The following SUN1 variants were observed in gnomAD, a reference collection of about 807,000 sequenced individuals.
The protein encoded by SUN1 is SUN domain-containing protein 1.
Under a neutral mutation model 103.2 loss-of-function variants are expected in SUN1, and 61 were observed. The ratio of observed to expected loss-of-function variants is 0.59; its 90% CI spans 0.48 to 0.73. SUN1 has a LOEUF of 0.73. Ranked by LOEUF, SUN1 falls within the 30% of genes least tolerant of loss-of-function variation. The pLI is 0.00. For missense variants in SUN1, 1,052 were observed against 1,034.6 expected, an observed-to-expected ratio of 1.02 and a Z score of -0.23; for synonymous variants, 490 against 425.7, an observed-to-expected ratio of 1.15 and a Z score of -1.86.
At chr7:816,856 A>T (rs1266530185) in intron 1 of SUN1, 3 of 150,096 alleles carry the variant, frequency 2.0e-5, no homozygotes, top group Admixed American at 6.6e-5. Flanking sequence ...CCCCGCAGCT[A>T]CCCCGGCCCG....
At position 845,608 on chromosome 7, in the gene SUN1, C is replaced by T. The variant is rs974655878; in HGVS notation, c.658+2088C>T. ...ATAGTCAGATTGCATGAATTGTTTG[C>T]ATAATCATATTTACTTAAAATAAGT... On this transcript the variant is annotated intron_variant, in intron 5 of 18. Coordinates refer to ENST00000401592, the MANE Select transcript of SUN1 (RefSeq NM_001130965.3). Among the ~76,000 whole-genome samples the T allele has an allele frequency of 2.0e-5, 3 of 151,588 alleles. No homozygotes were observed. In the East Asian group the frequency reaches 5.8e-4, roughly 29 times the overall value.
At chr7:857,760 G>C (rs1039453623) in intron 12 of SUN1, 68 bp from the exon 13 acceptor site, 3 of 1,456,186 alleles carry the variant, frequency 2.1e-6, no homozygotes, top group Admixed American at 4.7e-5. Flanking sequence ...CCCTCAGCCT[G>C]TGTGTAGTGT....
At chr7:856,602 C>T (rs1827596127) in intron 12 of SUN1, among the ~76,000 whole-genome samples, 1 of 152,196 alleles carries the variant, frequency 6.6e-6, no homozygotes, top group Admixed American at 6.5e-5. Flanking sequence ...ACATCCCCCT[C>T]CACGCGGCGT....
chr7:863,520 TCA>T (rs2128480436), intron 15 of SUN1, among the ~76,000 whole-genome samples: 1 of 152,332 alleles, frequency 6.6e-6, no homozygotes, highest in South Asian at 2.1e-4. Flanking sequence ...GAGATGTAAT[TCA>T]CACAAAAATT....
At chr7:865,848 G>A (rs759777696) in intron 15 of SUN1, 104 bp from the exon 16 acceptor site, 1 of 897,992 alleles carries the variant, frequency 1.1e-6, no homozygotes, top group Non-Finnish European at 1.8e-6. Flanking sequence ...GTGATGTCGA[G>A]CACTTTTCTT....
chr7:866,480 G>A (rs1234019573), intron 16 of SUN1, among the ~76,000 whole-genome samples: 1 of 151,922 alleles, frequency 6.6e-6, no homozygotes, highest in East Asian at 1.9e-4. Context: ...CTCGGCATGG[G>A]CCTTCACCCC....
rs187616835 is a variant in SUN1 at position 865,005 on chromosome 7, C to A, written c.1865-947C>A. ...CAACTCCCCTTCCCAGTCTCTGGTACCACCCTTCTACCCTCTCTGTCCATG... is the reference window on the plus strand; with the variant it reads ...CAACTCCCCTTCCCAGTCTCTGGTAACACCCTTCTACCCTCTCTGTCCATG... On this transcript the variant is annotated intron_variant, in intron 15 of 18. Transcript: ENST00000401592. Among the ~76,000 whole-genome samples the A allele has an allele frequency of 2.8e-3, 425 of 152,248 alleles. 3 individuals carry two copies. Among genetic ancestry groups the A allele is most frequent in the African/African-American group, 9.1e-3 (380 of 41,534 alleles).
intron 1 of SUN1, among the ~76,000 whole-genome samples, chr7:836,063 G>A (rs918754706): frequency 1.3e-5 from 2 of 152,260 alleles, no homozygotes; most frequent in African/African-American, 2.4e-5. Context: ...GGCAAGGAGC[G>A]AGCCGAAACT....
In SUN1 at chr7:874,600, C is replaced by A. The variant is rs1393088597; in HGVS notation, c.*1269C>A. On this transcript the variant is annotated 3_prime_UTR_variant, in exon 19 of 19. Transcript: ENST00000401592. ...ATGAAACTATTCATACATCAAGCAG[C>A]ATTTTTTTCACTCTCCTTAGAATTG... is the stretch of plus-strand genomic sequence containing the variant. 2 of 152,366 alleles carry A rather than the reference C, an allele frequency of 1.3e-5. No homozygotes were observed. The highest frequency in any genetic ancestry group is 2.9e-5 in the Non-Finnish European group (2 of 68,030). 9.4% of individuals were successfully genotyped at this position (152,366 alleles called of 1,614,324 possible).
rs373925818 is a variant in SUN1 at position 832,547 on chromosome 7, T to A, written c.23T>A (p.Met8Lys). The change falls in exon 1 of 19, where the codon ATG becomes AAG. Residue 8 changes from methionine (M) to lysine (K), a missense_variant. Physicochemically the swap from Met to Lys is moderately conservative, Grantham distance 95 (BLOSUM62 -1). This residue lies in a region of SUN1 where 846 missense variants were observed against 774.5 expected (regional missense o/e 1.09). Transcript: ENST00000401592. ...AACATGGATTTTTCTCGGCTTCACATGTACAGTCCTCCCCAGTGTGTGCCG... is the reference window on the plus strand; with the variant it reads ...AACATGGATTTTTCTCGGCTTCACAAGTACAGTCCTCCCCAGTGTGTGCCG... MDFSRLH[M>K]YSPPQCVPEN... 3 of 1,613,438 alleles carry A rather than the reference T, an allele frequency of 1.9e-6. No homozygotes were observed. Among genetic ancestry groups the A allele is most frequent in the Non-Finnish European group, 2.5e-6 (3 of 1,179,712 alleles).
chr7:836,478 A>C (rs555909656), intron 1 of SUN1, among the ~76,000 whole-genome samples: 196 of 152,330 alleles, frequency 1.3e-3, no homozygotes, highest in African/African-American at 4.5e-3. Context: ...TTCCAGGCCA[A>C]GTCCAGAGGC....
intron 15 of SUN1, among the ~76,000 whole-genome samples, chr7:862,877 C>G (rs949595475): frequency 6.6e-6 from 1 of 152,206 alleles, no homozygotes; most frequent in Non-Finnish European, 1.5e-5. Flanking sequence ...TCTGGCCGGG[C>G]GCAGTGGCTC....
chr7:837,520 C>T (rs939629260), intron 1 of SUN1, among the ~76,000 whole-genome samples: 25 of 152,108 alleles, frequency 1.6e-4, no homozygotes, highest in Admixed American at 7.2e-4. Context: ...CAGAGAGAGA[C>T]GTTAAGGCCT....
At position 861,488 on chromosome 7, in the gene SUN1, A is replaced by G. The variant is rs759053199; in HGVS notation, c.1864+24A>G. 3 of 1,612,686 alleles carry G rather than the reference A, an allele frequency of 1.9e-6. No individual in the cohort carries two copies. The East Asian group carries it at 6.7e-5, about 36-fold the overall frequency. ...TGGTGAGTAAATAGACGTTCTGATT[A>G]CTAAGTTAGATGATCACCTGTTAGC... is the stretch of plus-strand genomic sequence containing the variant. On this transcript the variant is annotated intron_variant, in intron 15 of 18. Coordinates refer to ENST00000401592, the MANE Select transcript of SUN1 (RefSeq NM_001130965.3).
chr7:849,650 C>A, intron 5 of SUN1: 2 of 1,530,368 alleles, frequency 1.3e-6, no homozygotes, highest in Non-Finnish European at 8.9e-7. Context: ...TGGAGTTGGT[C>A]CCACACGCTG....
chr7:830,990 T>A (rs1797422230), upstream of SUN1: 1 of 985,340 alleles, frequency 1.0e-6, no homozygotes, highest in Non-Finnish European at 1.2e-6. Context: ...GTAGCCTACA[T>A]TGGATCCAGG....
At position 866,019 on chromosome 7, in the gene SUN1, T is replaced by G. The variant is rs946366343; in HGVS notation, c.1932T>G (p.Phe644Leu). The G allele has an allele frequency of 1.9e-6, 3 of 1,614,048 alleles. No homozygotes were observed. The highest frequency in any genetic ancestry group is 1.3e-5 in the African/African-American group (1 of 74,922). ...CCAAAACGGCGCTGATGAGTCTGTT[T>G]GGGATCCCGCTGTGGTACTTCTCGC... ...YETKTALMSL[F>L]GIPLWYFSQS... The change falls in exon 16 of 19, where the codon TTT becomes TTG. Residue 644 changes from phenylalanine (F) to leucine (L), a missense_variant. Around this residue, in one of 2 missense-constraint regions of SUN1, gnomAD observed 206 missense variants for 260.1 expected, o/e 0.79. Transcript: ENST00000401592.
In SUN1 at chr7:848,100, G is replaced by A. The variant is rs548258943; in HGVS notation, c.659-3284G>A. 6.7e-5 allele frequency among the ~76,000 whole-genome samples: 10 copies of A among 150,340 alleles called. No individual in the cohort carries two copies. The South Asian group carries it at 2.2e-3, about 32-fold the overall frequency. On this transcript the variant is annotated intron_variant, in intron 5 of 18. Coordinates refer to ENST00000401592, the MANE Select transcript of SUN1 (RefSeq NM_001130965.3). ...TCTGGGATCTCCTGGGGGTTACTCCGCAGTACCCTCTCCGGGATCCCCTGG... is the reference window on the plus strand; with the variant it reads ...TCTGGGATCTCCTGGGGGTTACTCCACAGTACCCTCTCCGGGATCCCCTGG...
chr7:851,482 G>C lies in SUN1; in HGVS notation c.757G>C (p.Gly253Arg). Residue 253 changes from glycine to arginine, a missense_variant and splice_region_variant, in exon 6 of 19, where the codon GGG (glycine) becomes CGG (arginine). This residue lies in a region of SUN1 where 846 missense variants were observed against 774.5 expected (regional missense o/e 1.09). Coordinates refer to ENST00000401592, the MANE Select transcript of SUN1 (RefSeq NM_001130965.3). ...SALWLAVVAPGKAASGVFWWL... is the reference protein window; with the variant it reads ...SALWLAVVAPRKAASGVFWWL... ...CCTTTGGCTGGCCGTGGTTGCTCCA[G>C]GTGGCTATTTTGGGTTTCTGTGTTG... 2 of 1,602,400 alleles carry C rather than the reference G, an allele frequency of 1.2e-6. No homozygotes were observed. Among genetic ancestry groups the C allele is most frequent in the South Asian group, 1.1e-5 (1 of 88,806 alleles).
Sources: allele counts gnomAD v4.1 joint callset (sites outside exome capture counted in the v4.1 genomes callset), GRCh38; gene constraint gnomAD v4.1.1; regional missense constraint gnomAD v4.1.1; transcripts MANE v1.5; gene names NCBI Gene and HGNC (gene_info 2026-07-23, HGNC 2026-07-21).